The following CSN1S1 variants were observed in gnomAD, a reference collection of about 807,000 sequenced individuals.
CSN1S1 encodes alpha-S1-casein.
CSN1S1 carries 63 observed loss-of-function variants against 49.1 expected under a neutral mutation model. The observed-to-expected ratio is 1.28, with a 90% CI of 1.05 to 1.58. The LOEUF (loss-of-function observed/expected upper bound fraction) is 1.58. Ranked by LOEUF, CSN1S1 falls within the 40% of genes most tolerant of loss-of-function variation. The pLI is 0.00. For missense variants in CSN1S1, 260 were observed against 224.7 expected, an observed-to-expected ratio of 1.16 and a Z score of -1.01; for synonymous variants, 78 against 67.1, an observed-to-expected ratio of 1.16 and a Z score of -0.79.
chr4:69,939,081 C>T (rs1443545364), intron 9 of CSN1S1, 95 bp from the exon 10 acceptor site: 2 of 841,486 alleles, frequency 2.4e-6, no homozygotes, highest in East Asian at 5.1e-5. Context: ...TATAATGTTA[C>T]CATGGTAAGC....
intron 14 of CSN1S1, among the ~76,000 whole-genome samples, chr4:69,943,276 C>T (rs1324608848): frequency 1.3e-5 from 2 of 151,640 alleles, no homozygotes; most frequent in Middle Eastern, 3.4e-3. Context: ...CTCTGCCTCC[C>T]GGGTTCTAGT....
In CSN1S1 at chr4:69,944,844, C is replaced by T. The variant is rs755002398; in HGVS notation, c.403-6C>T. The T allele has an allele frequency of 3.1e-6, 5 of 1,611,734 alleles. No individual in the cohort carries two copies. Among genetic ancestry groups the T allele is most frequent in the Admixed American group, 1.7e-5 (1 of 59,862 alleles). On this transcript the variant is annotated splice_region_variant and splice_polypyrimidine_tract_variant and intron_variant, in intron 14 of 15. Coordinates refer to ENST00000246891, the MANE Select transcript of CSN1S1 (RefSeq NM_001890.2). ...ACTGTTGCTTTTCAAATGTTTTTCCCTCTAGCCTTTCCAGCAGCTCAACCA... is the reference window on the plus strand; with the variant it reads ...ACTGTTGCTTTTCAAATGTTTTTCCTTCTAGCCTTTCCAGCAGCTCAACCA...
At chr4:69,934,559 C>A in intron 3 of CSN1S1, 131 bp from the exon 4 acceptor site, 1 of 767,692 alleles carries the variant, frequency 1.3e-6, no homozygotes. Flanking sequence ...ATGTGATTTA[C>A]AGTTTGGTCT....
At position 69,935,148 on chromosome 4, in the gene CSN1S1, G is replaced by A. The variant is rs979467512; in HGVS notation, c.105+438G>A. On this transcript the variant is annotated intron_variant, in intron 4 of 15. Coordinates refer to ENST00000246891, the MANE Select transcript of CSN1S1 (RefSeq NM_001890.2). ...TTTCAATAAGAAATTATCAAAGAAG[G>A]AAAGTTTCTCAGGCTTCTTCTGGTA... Among the ~76,000 whole-genome samples, 15 of 151,990 alleles carry A rather than the reference G, an allele frequency of 9.9e-5. No homozygotes were observed. The South Asian group carries it at 3.1e-3, about 31-fold the overall frequency.
chr4:69,934,354 T>C, intron 3 of CSN1S1, 110 bp downstream of exon 3: 4 of 1,088,648 alleles, frequency 3.7e-6, no homozygotes, highest in Non-Finnish European at 5.5e-6. Context: ...TGCTGACGCA[T>C]CATTTCTTTA....
intron 12 of CSN1S1, 37 bp downstream of exon 12, chr4:69,941,097 T>C: frequency 9.9e-7 from 1 of 1,010,122 alleles, no homozygotes; most frequent in Non-Finnish European, 1.4e-6. Flanking sequence ...AATCATATTC[T>C]ACTATAGAAT....
intron 4 of CSN1S1, among the ~76,000 whole-genome samples, chr4:69,935,553 T>A (rs1722749294): frequency 6.6e-6 from 1 of 152,024 alleles, no homozygotes; most frequent in Non-Finnish European, 1.5e-5. Flanking sequence ...AGTGGTTTTT[T>A]GTTGTTGTTG....
chr4:69,941,232 G>A (rs994621251), intron 12 of CSN1S1, among the ~76,000 whole-genome samples, 172 bp downstream of exon 12: 1 of 151,496 alleles, frequency 6.6e-6, no homozygotes, highest in East Asian at 1.9e-4. Context: ...GCATATTTGC[G>A]GGCAATGCTC....
At position 69,939,157 on chromosome 4, in the gene CSN1S1, C is replaced by G. The variant is rs1286955233; in HGVS notation, c.244-19C>G. 1.9e-6 allele frequency: 3 copies of G among 1,581,528 alleles called. No individual in the cohort carries two copies. Among genetic ancestry groups the G allele is most frequent in the East Asian group, 2.3e-5 (1 of 44,368 alleles). On this transcript the variant is annotated intron_variant, in intron 9 of 15. Transcript: ENST00000246891. Reference sequence around the variant, plus strand: ...TAAAAATCCCAGGGGATAATTAACACTAGATTTCTTTCTTTTAGAAGATGG... The same window carrying G: ...TAAAAATCCCAGGGGATAATTAACAGTAGATTTCTTTCTTTTAGAAGATGG...
chr4:69,945,320 T>C (rs900543392), intron 15 of CSN1S1, among the ~76,000 whole-genome samples: 2 of 152,052 alleles, frequency 1.3e-5, no homozygotes, highest in African/African-American at 4.8e-5. Context: ...ATTATCCTTT[T>C]TGCGCTTTTA....
rs1722788360 is a variant in CSN1S1 at position 69,936,479 on chromosome 4, G to A, written c.153G>A (p.Arg51=). The change falls in exon 6 of 16, where the codon AGG becomes AGA. Residue 51 remains arginine, a splice_region_variant and synonymous_variant. Coordinates refer to ENST00000246891, the MANE Select transcript of CSN1S1 (RefSeq NM_001890.2). ...SREEYMNGMN[R]QRNILREKQT... ...AGGAATACATGAATGGTATGAACAG[G>A]GTAAGAAACATCAATGAAATTTAAA... 2 of 1,573,544 alleles carry A rather than the reference G, an allele frequency of 1.3e-6. No individual in the cohort carries two copies. The highest frequency in any genetic ancestry group is 1.7e-5 in the Admixed American group (1 of 59,246).
intron 1 of CSN1S1, among the ~76,000 whole-genome samples, chr4:69,932,332 T>G (rs549322963): frequency 6.6e-6 from 1 of 152,044 alleles, no homozygotes; most frequent in East Asian, 1.9e-4. Context: ...CTAAATAATA[T>G]AAGAACTAAG....
intron 4 of CSN1S1, among the ~76,000 whole-genome samples, chr4:69,935,212 T>G (rs945068241): frequency 6.6e-6 from 1 of 151,986 alleles, no homozygotes; most frequent in African/African-American, 2.4e-5. Context: ...AAACATACTT[T>G]TATGGGAAAA....
intron 9 of CSN1S1, among the ~76,000 whole-genome samples, chr4:69,938,349 A>G (rs1722866715): frequency 6.6e-6 from 1 of 151,718 alleles, no homozygotes; most frequent in Non-Finnish European, 1.5e-5. Flanking sequence ...TGGCAATACT[A>G]TTAGGTTGGT....
In CSN1S1 at chr4:69,946,425, G is replaced by T. The variant is rs926836889; in HGVS notation, c.*229G>T. On this transcript the variant is annotated 3_prime_UTR_variant, in exon 16 of 16. Transcript: ENST00000246891. ...CATATGGAGGGCACCTAATCAGAGG[G>T]TATTAAAGTGTTTACTAAGTTTTCT... is the stretch of plus-strand genomic sequence containing the variant. 1 of 242,936 alleles carries T rather than the reference G, an allele frequency of 4.1e-6. No individual in the cohort carries two copies. Among genetic ancestry groups the T allele is most frequent in the Admixed American group, 5.9e-5 (1 of 16,836 alleles). The allele number at this position is 242,936 out of a possible 1,614,324, so 15.0% of individuals were successfully genotyped here. A position where few individuals can be genotyped will look rare whatever the true frequency, so the allele number is the denominator to read the frequency against.
At chr4:69,944,780 T>A in intron 14 of CSN1S1, 70 bp from the exon 15 acceptor site, 1 of 1,471,252 alleles carries the variant, frequency 6.8e-7, no homozygotes. Context: ...TGAGATGTAT[T>A]GATATTTTTC....
chr4:69,943,028 A>G (rs542054396), intron 14 of CSN1S1, among the ~76,000 whole-genome samples: 3 of 151,000 alleles, frequency 2.0e-5, no homozygotes, highest in Non-Finnish European at 4.4e-5. Flanking sequence ...CTCACAGTAC[A>G]TCAAATTTTA....
chr4:69,934,550 T>A (rs955793220), intron 3 of CSN1S1, 140 bp from the exon 4 acceptor site: 53 of 735,882 alleles, frequency 7.2e-5, no homozygotes, highest in Middle Eastern at 3.5e-4. Context: ...TATTCAAGCA[T>A]GTGATTTACA....
At chr4:69,937,075 T>C in intron 7 of CSN1S1, 46 bp from the exon 8 acceptor site, 12 of 1,485,392 alleles carry the variant, frequency 8.1e-6, no homozygotes, top group Non-Finnish European at 1.1e-5. Flanking sequence ...AAAATATATA[T>C]CTTCTTAACA....
Sources: allele counts gnomAD v4.1 joint callset (sites outside exome capture counted in the v4.1 genomes callset), GRCh38; gene constraint gnomAD v4.1.1; transcripts MANE v1.5; gene names NCBI Gene and HGNC (gene_info 2026-07-23, HGNC 2026-07-21).